Variants in HMGA2 observed in about 807,000 individuals in gnomAD.
HMGA2 encodes the protein high mobility group protein HMGI-C.
In HMGA2, 8 loss-of-function variants were observed where a neutral mutation model predicts 19.1. The observed-to-expected ratio is 0.42, with a 90% CI of 0.25 to 0.76. The LOEUF (loss-of-function observed/expected upper bound fraction) is 0.76, where lower values mean the gene tolerates loss of function less well. Among genes scored for constraint, HMGA2 ranks in the 30% least tolerant of loss-of-function variants. HMGA2 has a pLI of 0.28. For missense variants in HMGA2, 109 were observed against 136.3 expected, an observed-to-expected ratio of 0.80 and a Z score of 1.00; for synonymous variants, 60 against 48.8, an observed-to-expected ratio of 1.23 and a Z score of -0.96.
chr12:65,860,085 C>T (rs1347243107), intron 3 of HMGA2: 2 of 443,610 alleles, frequency 4.5e-6, no homozygotes, highest in Non-Finnish European at 9.1e-6. Flanking sequence ...GAGCAAGACT[C>T]TGTCTGAAAA....
chr12:65,960,226 C>T (rs997135927), intron 4 of HMGA2, among the ~76,000 whole-genome samples: 1 of 152,148 alleles, frequency 6.6e-6, no homozygotes, highest in East Asian at 1.9e-4. Context: ...ATGATCGAAG[C>T]TCAGGGGTCC....
At chr12:65,903,873 GGA>G in intron 3 of HMGA2, among the ~76,000 whole-genome samples, 1 of 152,216 alleles carries the variant, frequency 6.6e-6, no homozygotes, top group African/African-American at 2.4e-5. Flanking sequence ...TTTTGTTGCT[GGA>G]ATGAAATAAG....
At chr12:65,869,773 A>G (rs1386926901) in intron 3 of HMGA2, among the ~76,000 whole-genome samples, 2 of 152,222 alleles carry the variant, frequency 1.3e-5, no homozygotes, top group African/African-American at 2.4e-5. Flanking sequence ...CACCTTTAAA[A>G]ACATATTTTA....
At chr12:65,907,351 A>G (rs557622855) in intron 3 of HMGA2, among the ~76,000 whole-genome samples, 8 of 150,512 alleles carry the variant, frequency 5.3e-5, no homozygotes, top group African/African-American at 2.0e-4. Flanking sequence ...CAGAGGTTGC[A>G]GCGAACCAAG....
chr12:65,833,986 A>G (rs1565701400), intron 2 of HMGA2, among the ~76,000 whole-genome samples: 1 of 152,184 alleles, frequency 6.6e-6, no homozygotes, highest in Admixed American at 6.5e-5. Flanking sequence ...GGCACTTTAT[A>G]TATATGTTAG....
chr12:65,917,528 A>G (rs962598935), intron 3 of HMGA2, among the ~76,000 whole-genome samples: 8 of 152,234 alleles, frequency 5.3e-5, no homozygotes, highest in African/African-American at 1.9e-4. Flanking sequence ...GAATCAAGCA[A>G]GTAAGCAGAT....
chr12:65,949,836 G>C (rs1876395003), intron 3 of HMGA2, among the ~76,000 whole-genome samples: 1 of 152,120 alleles, frequency 6.6e-6, no homozygotes, highest in South Asian at 2.1e-4. Flanking sequence ...AACATTAAAA[G>C]AACTCTTACA....
rs967875327 is a variant in HMGA2, at chr12:65,937,131, AT to A, written c.250-14243del. ...ATCCTTCTTTTATTTAAAAAAATTA[AT>A]TTTTTTTTAAAAGCTACCACCACCA... On this transcript the variant is annotated intron_variant, in intron 3 of 4. Transcript: ENST00000403681. 9.9e-5 allele frequency among the ~76,000 whole-genome samples: 15 copies of A among 151,930 alleles called. No homozygotes were observed. In the East Asian group the frequency reaches 1.2e-3, roughly 12 times the overall value.
chr12:65,926,817 C>T (rs1379485538), intron 3 of HMGA2, among the ~76,000 whole-genome samples: 2 of 152,134 alleles, frequency 1.3e-5, no homozygotes, highest in South Asian at 2.1e-4. Flanking sequence ...TGTCTCACAA[C>T]ACACACAGCT....
intron 3 of HMGA2, among the ~76,000 whole-genome samples, chr12:65,945,945 T>C (rs1876248833): frequency 6.6e-6 from 1 of 152,206 alleles, no homozygotes; most frequent in Admixed American, 6.5e-5. Flanking sequence ...CCTCACTAGT[T>C]CAATGAGCTG....
intron 3 of HMGA2, among the ~76,000 whole-genome samples, chr12:65,850,087 C>T (rs1430600684): frequency 2.0e-5 from 3 of 152,092 alleles, no homozygotes; most frequent in Non-Finnish European, 4.4e-5. Flanking sequence ...TAAAATTTGT[C>T]ATCAAATCAG....
chr12:65,928,351 C>T (rs372444874), intron 3 of HMGA2, among the ~76,000 whole-genome samples: 2 of 152,164 alleles, frequency 1.3e-5, no homozygotes, highest in East Asian at 1.9e-4. Context: ...AATTGCCAGA[C>T]TGGAAGTTGT....
At chr12:65,867,893 T>C (rs1872512756) in intron 3 of HMGA2, 1 of 154,584 alleles carries the variant, frequency 6.5e-6, no homozygotes, top group Non-Finnish European at 1.4e-5. Context: ...TACTAAGCAC[T>C]TGAATAACTG....
intron 3 of HMGA2, among the ~76,000 whole-genome samples, chr12:65,876,398 T>A (rs1296848529): frequency 1.3e-5 from 2 of 152,174 alleles, no homozygotes; most frequent in African/African-American, 4.8e-5. Flanking sequence ...TCACATCTAT[T>A]AAAACAGTGA....
At chr12:65,956,836 G>A (rs937229342) in intron 4 of HMGA2, 2 of 152,036 alleles carry the variant, frequency 1.3e-5, no homozygotes, top group East Asian at 1.9e-4. Context: ...ATGTGTACTG[G>A]ATAAAAACCA....
intron 3 of HMGA2, among the ~76,000 whole-genome samples, chr12:65,927,127 C>T (rs746718835): frequency 6.6e-6 from 1 of 152,176 alleles, no homozygotes; most frequent in Non-Finnish European, 1.5e-5. Flanking sequence ...CAACTTAACA[C>T]CATTTTCAAA....
At chr12:65,920,193 C>T (rs2121238889) in intron 3 of HMGA2, among the ~76,000 whole-genome samples, 1 of 152,142 alleles carries the variant, frequency 6.6e-6, no homozygotes, top group Non-Finnish European at 1.5e-5. Context: ...GGGGTAGAAG[C>T]TGGAAAAGGA....
intron 4 of HMGA2, among the ~76,000 whole-genome samples, chr12:65,962,207 T>C (rs567479866): frequency 1.3e-5 from 2 of 152,334 alleles, no homozygotes; most frequent in South Asian, 2.1e-4. Context: ...ATCCTCTCAC[T>C]AACGACGCTT....
intron 3 of HMGA2, among the ~76,000 whole-genome samples, chr12:65,906,627 A>T (rs1157605553): frequency 6.6e-6 from 1 of 152,196 alleles, no homozygotes; most frequent in Non-Finnish European, 1.5e-5. Flanking sequence ...TTCAACTCAT[A>T]GAATACTCTT....
Sources: allele counts gnomAD v4.1 joint callset (sites outside exome capture counted in the v4.1 genomes callset), GRCh38; gene constraint gnomAD v4.1.1; transcripts MANE v1.5; gene names NCBI Gene and HGNC (gene_info 2026-07-23, HGNC 2026-07-21).